OCIAD2: variants seen among roughly 807,000 people sequenced by gnomAD.
OCIAD2 encodes the protein OCIA domain containing 2.
OCIAD2 carries 29 observed loss-of-function variants against 22.9 expected under a neutral mutation model. The ratio of observed to expected loss-of-function variants is 1.27; its 90% CI spans 0.94 to 1.73. OCIAD2 has a LOEUF of 1.73. OCIAD2 is among the 40% of genes most tolerant of loss of function. OCIAD2 has a pLI of 0.00. For missense variants in OCIAD2, 189 were observed against 180.3 expected (o/e 1.05, Z -0.28); for synonymous variants, 67 against 60.2 (o/e 1.11, Z -0.52).
intron 1 of OCIAD2, among the ~76,000 whole-genome samples, chr4:48,906,261 GGTGGGGAAGGGACCCGTGGGTTC>G (rs2109689407): frequency 6.6e-6 from 1 of 152,260 alleles, no homozygotes; most frequent in South Asian, 2.1e-4. Flanking sequence ...TTTCCTCAGT[GGTGGGGAAGGGACCCGTGGGTTC>G]GTGGGTGCTG....
intron 6 of OCIAD2, among the ~76,000 whole-genome samples, chr4:48,887,952 G>C (rs1218009800): frequency 9.9e-5 from 15 of 152,236 alleles, no homozygotes; most frequent in East Asian, 5.8e-4. Context: ...TCACGATATT[G>C]ATTCTTCCTA....
At chr4:48,898,130 A>T (rs1781339180) in intron 3 of OCIAD2, among the ~76,000 whole-genome samples, 1 of 152,206 alleles carries the variant, frequency 6.6e-6, no homozygotes, top group Admixed American at 6.5e-5. Context: ...GCCAACATGC[A>T]CCAGATTCTA....
At chr4:48,886,240 G>A (rs1780982848) in intron 6 of OCIAD2, among the ~76,000 whole-genome samples, 1 of 152,158 alleles carries the variant, frequency 6.6e-6, no homozygotes, top group Non-Finnish European at 1.5e-5. Flanking sequence ...GGTTGTAGAT[G>A]TGTGGTATTA....
At chr4:48,901,073 A>G (rs182886202) in intron 2 of OCIAD2, among the ~76,000 whole-genome samples, 4 of 152,098 alleles carry the variant, frequency 2.6e-5, no homozygotes, top group Admixed American at 1.3e-4. Flanking sequence ...TTTTATTTCT[A>G]TCCATTCTTG....
At chr4:48,888,618 GT>G (rs1428370560) in intron 6 of OCIAD2, among the ~76,000 whole-genome samples, 1 of 152,158 alleles carries the variant, frequency 6.6e-6, no homozygotes, top group Admixed American at 6.5e-5. Context: ...CTTTGGTTCT[GT>G]TTATATGGTA....
chr4:48,902,459 A>G (rs967344697), intron 2 of OCIAD2, among the ~76,000 whole-genome samples: 20 of 152,174 alleles, frequency 1.3e-4, no homozygotes, highest in African/African-American at 4.8e-4. Context: ...GCAACTCCCC[A>G]AGGCACAGTG....
At position 48,892,902 on chromosome 4, in the gene OCIAD2, G is replaced by A. The variant is rs1474652329; in HGVS notation, c.266-13C>T. 7.2e-7 allele frequency: 1 copy of A among 1,392,032 alleles called. No individual in the cohort carries two copies. Among genetic ancestry groups the A allele is most frequent in the Non-Finnish European group, 1.0e-6 (1 of 992,938 alleles). The allele number at this position is 1,392,032 out of a possible 1,614,324, so 86.2% of individuals were successfully genotyped here. A position where few individuals can be genotyped will look rare whatever the true frequency, so the allele number is the denominator to read the frequency against. ...AAGAGACCAGCAACTGTAAAAGCAG[G>A]TTGGGAGAGATTAGTTGAGAATCTT... On this transcript the variant is annotated splice_polypyrimidine_tract_variant and intron_variant, in intron 5 of 6. Coordinates refer to ENST00000508632, the MANE Select transcript of OCIAD2 (RefSeq NM_001014446.3).
chr4:48,897,493 G>A lies in OCIAD2; in HGVS notation c.217+311C>T, dbSNP rs558805111. On this transcript the variant is annotated intron_variant, in intron 4 of 6. Coordinates refer to ENST00000508632, the MANE Select transcript of OCIAD2 (RefSeq NM_001014446.3). Reference sequence around the variant, plus strand: ...TTCAGATCCCGCCTTTCACTTGTAAGGACCCTTTCAATTACACTGGGCCCA... The same window carrying A: ...TTCAGATCCCGCCTTTCACTTGTAAAGACCCTTTCAATTACACTGGGCCCA... Among the ~76,000 whole-genome samples the A allele has an allele frequency of 4.6e-5, 7 of 152,230 alleles. No individual in the cohort carries two copies. In the East Asian group the frequency reaches 1.4e-3, roughly 29 times the overall value.
At chr4:48,906,245 CCT>C (rs1781522027) in intron 1 of OCIAD2, among the ~76,000 whole-genome samples, 1 of 152,126 alleles carries the variant, frequency 6.6e-6, no homozygotes, top group Admixed American at 6.5e-5. Context: ...GTCCGGGGAC[CCT>C]CTGTTTCCTC....
intron 6 of OCIAD2, among the ~76,000 whole-genome samples, chr4:48,889,818 G>T (rs983056808): frequency 2.0e-5 from 3 of 152,174 alleles, no homozygotes; most frequent in Non-Finnish European, 4.4e-5. Context: ...TATGTTTATT[G>T]TGGCACTATT....
intron 5 of OCIAD2, 56 bp downstream of exon 5, chr4:48,893,949 TG>T: frequency 8.7e-7 from 1 of 1,150,006 alleles, no homozygotes; most frequent in Non-Finnish European, 1.2e-6. Flanking sequence ...CCCAAAGTGC[TG>T]GGATTACAGA....
chr4:48,905,478 A>T (rs1240329936), intron 1 of OCIAD2, among the ~76,000 whole-genome samples: 1 of 151,866 alleles, frequency 6.6e-6, no homozygotes, highest in Non-Finnish European at 1.5e-5. Context: ...GCTGATACAG[A>T]GGGGAGGGAA....
chr4:48,901,318 A>G (rs983719375), intron 2 of OCIAD2, among the ~76,000 whole-genome samples: 2 of 151,996 alleles, frequency 1.3e-5, no homozygotes, highest in African/African-American at 4.8e-5. Flanking sequence ...CAGACATGAA[A>G]CTAGAAGTAA....
chr4:48,897,708 C>T, intron 4 of OCIAD2, 96 bp downstream of exon 4: 2 of 898,656 alleles, frequency 2.2e-6, no homozygotes, highest in South Asian at 2.7e-5. Context: ...ACATCCTTCA[C>T]CAAAAAATAA....
At position 48,905,443 on chromosome 4, in the gene OCIAD2, C is replaced by A. The variant is rs73817714; in HGVS notation, c.-62-832G>T. On this transcript the variant is annotated intron_variant, in intron 1 of 6. Coordinates refer to ENST00000508632, the MANE Select transcript of OCIAD2 (RefSeq NM_001014446.3). ...GAAAGATTAAAAAAAAAAAAGCAGG[C>A]CAAGGAAATGACTGAGAAGGAATAG... Among the ~76,000 whole-genome samples, 473 of 151,434 alleles carry A rather than the reference C, an allele frequency of 3.1e-3. 1 individual carries two copies. The highest frequency in any genetic ancestry group is 0.011 in the African/African-American group (443 of 41,282).
At chr4:48,891,891 G>A (rs1781187368) in intron 6 of OCIAD2, among the ~76,000 whole-genome samples, 1 of 152,190 alleles carries the variant, frequency 6.6e-6, no homozygotes, top group Non-Finnish European at 1.5e-5. Flanking sequence ...TGCTAATGGT[G>A]TCACCTTCAG....
chr4:48,902,747 G>A (rs529797399), intron 2 of OCIAD2, among the ~76,000 whole-genome samples: 2 of 152,306 alleles, frequency 1.3e-5, no homozygotes, highest in South Asian at 4.1e-4. Context: ...GAGGTCAGGA[G>A]TTCCAGACCA....
intron 4 of OCIAD2, among the ~76,000 whole-genome samples, chr4:48,894,447 G>C (rs1419013772): frequency 6.6e-6 from 1 of 151,934 alleles, no homozygotes; most frequent in Non-Finnish European, 1.5e-5. Flanking sequence ...GAGCTGAGAT[G>C]GCACCGATGC....
chr4:48,904,623 A>G lies in OCIAD2; in HGVS notation c.-62-12T>C. 8 of 1,326,558 alleles carry G rather than the reference A, an allele frequency of 6.0e-6. No homozygotes were observed. Among genetic ancestry groups the G allele is most frequent in the Non-Finnish European group, 8.7e-6 (8 of 919,912 alleles). The allele number at this position is 1,326,558 out of a possible 1,614,324, so 82.2% of individuals were successfully genotyped here. A position where few individuals can be genotyped will look rare whatever the true frequency, so the allele number is the denominator to read the frequency against. On this transcript the variant is annotated splice_polypyrimidine_tract_variant and intron_variant, in intron 1 of 6. Transcript: ENST00000508632. ...CCTTGACCCAGTGTCTAAGGAAGGT[A>G]GAAGAGAATCACTATGCCATGACTA...
Sources: gnomAD v4.1 joint callset for allele counts (sites outside exome capture counted in the v4.1 genomes callset) on GRCh38, gnomAD v4.1.1 for gene constraint, MANE v1.5 for transcripts, NCBI Gene and HGNC (gene_info 2026-07-23, HGNC 2026-07-21) for gene names.